The following HTR1F variants were observed in gnomAD, a reference collection of about 807,000 sequenced individuals.
HTR1F encodes 5-hydroxytryptamine receptor 1F.
HTR1F carries 17 observed loss-of-function variants against 24.0 expected under a neutral mutation model. The observed-to-expected ratio is 0.71, with a 90% CI of 0.48 to 1.06. HTR1F has a LOEUF of 1.06. Among genes scored for constraint, HTR1F ranks in the 50% least tolerant of loss-of-function variants. The probability of loss-of-function intolerance (pLI) is 0.00; values close to 1 mark genes in which losing one functional copy is unlikely to be tolerated. For missense variants in HTR1F, 391 were observed against 427.8 expected (o/e 0.91, Z 0.76); for synonymous variants, 186 against 156.8 (o/e 1.19, Z -1.39).
chr3:87,933,690 C>G (rs992015693), intron 2 of HTR1F, among the ~76,000 whole-genome samples: 1 of 151,986 alleles, frequency 6.6e-6, no homozygotes, highest in African/African-American at 2.4e-5. Context: ...AACCACTGCT[C>G]AATGAAATAA....
intron 2 of HTR1F, among the ~76,000 whole-genome samples, chr3:87,961,564 C>T (rs1479945187): frequency 6.6e-6 from 1 of 151,886 alleles, no homozygotes; most frequent in Non-Finnish European, 1.5e-5. Flanking sequence ...GAGCTTGAGA[C>T]CAGCCTGGGC....
At position 87,991,364 on chromosome 3, in the gene HTR1F, T is replaced by C; in HGVS notation, c.615T>C (p.Tyr205=). The C allele has an allele frequency of 6.2e-7, 1 of 1,613,886 alleles. No homozygotes were observed. Among genetic ancestry groups the C allele is most frequent in the Non-Finnish European group, 8.5e-7 (1 of 1,179,990 alleles). ...TTTTGATCCTTTACTACAAAATATA[T>C]AGAGCAGCAAAGACATTATACCACA... The part of the protein sequence containing the change: ...ALILILYYKI[Y]RAAKTLYHKR... The change falls in exon 3 of 3, where the codon TAT becomes TAC. Residue 205 remains tyrosine (Y), a synonymous_variant. Transcript: ENST00000319595.
At chr3:87,929,823 C>A (rs949611551) in intron 2 of HTR1F, among the ~76,000 whole-genome samples, 3 of 152,076 alleles carry the variant, frequency 2.0e-5, no homozygotes, top group African/African-American at 7.2e-5. Flanking sequence ...ATAGTTTTTT[C>A]TAGTTCTTTG....
chr3:87,928,309 G>C (rs1299097020), intron 2 of HTR1F, among the ~76,000 whole-genome samples: 7 of 152,166 alleles, frequency 4.6e-5, no homozygotes, highest in South Asian at 4.1e-4. Context: ...GCCTCTCAAA[G>C]TGCTGGATTA....
chr3:87,884,150 C>G (rs1484578222), intron 2 of HTR1F, among the ~76,000 whole-genome samples: 1 of 152,094 alleles, frequency 6.6e-6, no homozygotes, highest in Non-Finnish European at 1.5e-5. Flanking sequence ...GATCTCTTGG[C>G]AGAAACTCTA....
chr3:87,922,271 T>G (rs1437812060), intron 2 of HTR1F, among the ~76,000 whole-genome samples: 7 of 152,024 alleles, frequency 4.6e-5, no homozygotes, highest in Non-Finnish European at 1.0e-4. Flanking sequence ...ATTTTCCTGA[T>G]TAATGATGTT....
chr3:87,925,946 A>G (rs1436880530), intron 2 of HTR1F, among the ~76,000 whole-genome samples: 1 of 152,150 alleles, frequency 6.6e-6, no homozygotes, highest in Non-Finnish European at 1.5e-5. Flanking sequence ...AAATGTAGTT[A>G]TGTATTTGTT....
At position 87,990,730 on chromosome 3, in the gene HTR1F, A is replaced by C; in HGVS notation, c.-20A>C. 1.3e-6 allele frequency: 2 copies of C among 1,584,122 alleles called. No individual in the cohort carries two copies. The highest frequency in any genetic ancestry group is 1.7e-6 in the Non-Finnish European group (2 of 1,156,498). On this transcript the variant is annotated 5_prime_UTR_variant, in exon 3 of 3. An upstream open reading frame in the 5' UTR loses its in-frame stop. Transcript: ENST00000319595. ...CAGGTATCCATTTTTCAGCTATATTAATCTTTTAAAACAAAGAAAATGGAT... is the reference window on the plus strand; with the variant it reads ...CAGGTATCCATTTTTCAGCTATATTCATCTTTTAAAACAAAGAAAATGGAT...
chr3:87,898,123 A>G (rs1476299769), intron 2 of HTR1F, among the ~76,000 whole-genome samples: 2 of 152,150 alleles, frequency 1.3e-5, no homozygotes, highest in Non-Finnish European at 2.9e-5. Context: ...GGTAAGACAG[A>G]GTGGAAATCC....
At chr3:87,951,328 A>T (rs895407958) in intron 2 of HTR1F, among the ~76,000 whole-genome samples, 1 of 152,164 alleles carries the variant, frequency 6.6e-6, no homozygotes, top group African/African-American at 2.4e-5. Context: ...TACAGTTTAG[A>T]TGTATCATTT....
chr3:87,952,937 A>G (rs1373461458), intron 2 of HTR1F, among the ~76,000 whole-genome samples: 1 of 151,854 alleles, frequency 6.6e-6, no homozygotes, highest in Admixed American at 6.6e-5. Flanking sequence ...CAATTACTTG[A>G]GTATGTTTTT....
intron 2 of HTR1F, among the ~76,000 whole-genome samples, chr3:87,854,615 C>T (rs1409152568): frequency 6.6e-6 from 1 of 151,884 alleles, no homozygotes; most frequent in Admixed American, 6.6e-5. Context: ...GAGTTATTGC[C>T]AGTGGTACTT....
At chr3:87,930,204 T>C (rs1704227675) in intron 2 of HTR1F, among the ~76,000 whole-genome samples, 1 of 152,204 alleles carries the variant, frequency 6.6e-6, no homozygotes, top group Non-Finnish European at 1.5e-5. Context: ...TGGTGTTTTC[T>C]AGATATAGAA....
chr3:87,917,484 G>T (rs1400250871), intron 2 of HTR1F, among the ~76,000 whole-genome samples: 1 of 150,994 alleles, frequency 6.6e-6, no homozygotes, highest in Non-Finnish European at 1.5e-5. Flanking sequence ...ACCAAGAAAA[G>T]AAGAGAGAAA....
In HTR1F at chr3:87,911,121, G is replaced by T. The variant is rs117936050; in HGVS notation, c.-42-79587G>T. Among the ~76,000 whole-genome samples the T allele has an allele frequency of 7.2e-5, 11 of 151,984 alleles. No individual in the cohort carries two copies. The East Asian group carries it at 9.7e-4, about 13-fold the overall frequency. On this transcript the variant is annotated intron_variant, in intron 2 of 2. Transcript: ENST00000319595. ...GGAAGACAGGAAAAAAACAAAATCA[G>T]AGCTTAATCGAAAGAGATCAAGACA...
intron 2 of HTR1F, among the ~76,000 whole-genome samples, chr3:87,943,845 C>A (rs1704630852): frequency 6.6e-6 from 1 of 152,134 alleles, no homozygotes; most frequent in Non-Finnish European, 1.5e-5. Flanking sequence ...TAAATCATTT[C>A]TTTCTTAGCC....
chr3:87,965,964 A>G (rs1705154699), intron 2 of HTR1F, among the ~76,000 whole-genome samples: 1 of 152,192 alleles, frequency 6.6e-6, no homozygotes, highest in South Asian at 2.1e-4. Context: ...GGGACTTCAT[A>G]TTATGTCTTC....
chr3:87,963,406 C>T (rs1164109754), intron 2 of HTR1F, among the ~76,000 whole-genome samples: 1 of 152,068 alleles, frequency 6.6e-6, no homozygotes, highest in Admixed American at 6.6e-5. Flanking sequence ...CTGAGTTATC[C>T]TGATGTGCCT....
At chr3:87,972,331 T>C (rs1007491228) in intron 2 of HTR1F, among the ~76,000 whole-genome samples, 2 of 152,186 alleles carry the variant, frequency 1.3e-5, no homozygotes, top group African/African-American at 4.8e-5. Flanking sequence ...ATTGCTTGCC[T>C]TTTCTAAAAT....
Sources: allele counts gnomAD v4.1 joint callset (sites outside exome capture counted in the v4.1 genomes callset), GRCh38; gene constraint gnomAD v4.1.1; transcripts MANE v1.5; gene names NCBI Gene and HGNC (gene_info 2026-07-23, HGNC 2026-07-21).